The following FCRL4 variants were observed in gnomAD, a reference collection of about 807,000 sequenced individuals.
FCRL4 encodes Fc receptor-like protein 4.
In FCRL4, 43 loss-of-function variants were observed where a neutral mutation model predicts 64.1. The ratio of observed to expected loss-of-function variants is 0.67; its 90% CI spans 0.53 to 0.87. FCRL4 has a LOEUF of 0.87. Among genes scored for constraint, FCRL4 ranks in the 40% least tolerant of loss-of-function variants. FCRL4 has a pLI of 0.00. For missense variants in FCRL4, 656 were observed against 613.5 expected, an observed-to-expected ratio of 1.07 and a Z score of -0.73; for synonymous variants, 253 against 239.8, an observed-to-expected ratio of 1.05 and a Z score of -0.51.
At chr1:157,583,666 T>G (rs1052597513) in intron 6 of FCRL4, among the ~76,000 whole-genome samples, 1 of 152,072 alleles carries the variant, frequency 6.6e-6, no homozygotes, top group Admixed American at 6.6e-5. Flanking sequence ...ATCCCAGACT[T>G]CCAGCCTCCA....
rs751214091 is a variant in FCRL4, at chr1:157,581,627, C to T, written c.1153G>A (p.Asp385Asn). 4.3e-6 allele frequency: 7 copies of T among 1,613,898 alleles called. No homozygotes were observed. In the South Asian group the frequency reaches 5.5e-5, roughly 13 times the overall value. ...GTGGCTCCCGCGGCGACAAGGCCATCTCTGTTGCCTGGGGTCTCTAAGGGG... is the reference window on the plus strand; with the variant it reads ...GTGGCTCCCGCGGCGACAAGGCCATTTCTGTTGCCTGGGGTCTCTAAGGGG... ...VTVRETPGNR[D>N]GLVAAGATGG... Residue 385 changes from aspartate (D) to asparagine (N), a missense_variant, in exon 7 of 12, where the codon GAT (aspartate) becomes AAT (asparagine). Asp to Asn is a conservative substitution (Grantham distance 23, BLOSUM62 1). Coordinates refer to ENST00000271532, the MANE Select transcript of FCRL4 (RefSeq NM_031282.3).
rs1232515770 is a variant in FCRL4 at position 157,578,849 on chromosome 1, G to A, written c.1281C>T (p.Leu427=). The A allele has an allele frequency of 4.3e-6, 7 of 1,611,550 alleles. No homozygotes were observed. The highest frequency in any genetic ancestry group is 5.9e-6 in the Non-Finnish European group (7 of 1,178,882). Residue 427 remains leucine (L), a synonymous_variant, in exon 9 of 12, where the codon CTC becomes CTT. Coordinates refer to ENST00000271532, the MANE Select transcript of FCRL4 (RefSeq NM_031282.3). Reference sequence around the variant, plus strand: ...ACTCTCCTGGGCCTGGAGCGGGAGGGAGCCTGTGAGACACAGAAACACATA... The same window carrying A: ...ACTCTCCTGGGCCTGGAGCGGGAGGAAGCCTGTGAGACACAGAAACACATA... ...GVGFLGDETR[L]PPAPGPGESS...
chr1:157,590,863 CT>C, intron 2 of FCRL4, among the ~76,000 whole-genome samples: 1 of 152,114 alleles, frequency 6.6e-6, no homozygotes, highest in Non-Finnish European at 1.5e-5. Context: ...GAAAATTAAC[CT>C]GTAGGAATCA....
intron 2 of FCRL4, among the ~76,000 whole-genome samples, chr1:157,591,180 T>G (rs1344989465): frequency 2.0e-5 from 3 of 152,222 alleles, no homozygotes; most frequent in Non-Finnish European, 2.9e-5. Context: ...TGATAGGGTC[T>G]GTTCAGGTGT....
At chr1:157,592,996 A>G (rs1652872146) in intron 2 of FCRL4, among the ~76,000 whole-genome samples, 1 of 152,172 alleles carries the variant, frequency 6.6e-6, no homozygotes, top group African/African-American at 2.4e-5. Flanking sequence ...ACAGAAAACC[A>G]AACACCGCAT....
At chr1:157,591,151 A>T (rs1055382098) in intron 2 of FCRL4, among the ~76,000 whole-genome samples, 1 of 152,178 alleles carries the variant, frequency 6.6e-6, no homozygotes, top group Non-Finnish European at 1.5e-5. Flanking sequence ...AATGCGCCTG[A>T]AGGATAGATA....
intron 10 of FCRL4, among the ~76,000 whole-genome samples, chr1:157,576,595 T>C (rs1652420765): frequency 6.6e-6 from 1 of 152,224 alleles, no homozygotes. Context: ...AATGCTTGGC[T>C]TAAATGGTGT....
chr1:157,585,047 C>CATT (rs1558154821), intron 6 of FCRL4, among the ~76,000 whole-genome samples: 51 of 152,264 alleles, frequency 3.3e-4, no homozygotes, highest in African/African-American at 1.1e-3. Flanking sequence ...CAGTTTTCCA[C>CATT]TGGCCTTAGA....
chr1:157,589,755 G>C (rs1350272788), intron 2 of FCRL4, among the ~76,000 whole-genome samples: 1 of 152,190 alleles, frequency 6.6e-6, no homozygotes, highest in East Asian at 1.9e-4. Flanking sequence ...AGTGAACCAG[G>C]TCCTCAGGTA....
Position 157,575,621 on chromosome 1 carries a change from A to G in FCRL4, c.1462-11T>C. ...GACAACTGAGACATCCTGAAATGGA[A>G]GAAAGAAGTGGAAACCGAGAGGGAG... On this transcript the variant is annotated splice_polypyrimidine_tract_variant and intron_variant, in intron 11 of 11. Transcript: ENST00000271532. 1 of 1,613,518 alleles carries G rather than the reference A, an allele frequency of 6.2e-7. No individual in the cohort carries two copies. The highest frequency in any genetic ancestry group is 8.5e-7 in the Non-Finnish European group (1 of 1,179,418).
At chr1:157,587,147 G>T (rs12562484) in intron 5 of FCRL4, 129 bp downstream of exon 5, 16,629 of 977,002 alleles carry the variant, frequency 0.017, 608 homozygotes, top group African/African-American at 0.12. Context: ...TTATAGTACT[G>T]CACTTCTTGG....
chr1:157,594,783 G>T (rs897178104), intron 2 of FCRL4, among the ~76,000 whole-genome samples: 1 of 152,144 alleles, frequency 6.6e-6, no homozygotes. Context: ...TGAAGAAAAT[G>T]CCCTTCCTCT....
In FCRL4 at chr1:157,589,234, T is replaced by C. The variant is rs1652777241; in HGVS notation, c.277A>G (p.Ser93Gly). The C allele has an allele frequency of 6.2e-7, 1 of 1,614,204 alleles. No individual in the cohort carries two copies. Among genetic ancestry groups the C allele is most frequent in the Middle Eastern group, 1.6e-4 (1 of 6,062 alleles). The change falls in exon 3 of 12, where the codon AGT becomes GGT. Residue 93 changes from serine to glycine, a missense_variant. Transcript: ENST00000271532. ...GAAAAGAGCAAGCGCACAGGGTTAC[T>C]TCGTGGGGAGCCCCGGGCCTGGCAT... ...YRCQARGSPR[S>G]NPVRLLFSSD...
At position 157,588,406 on chromosome 1, in the gene FCRL4, A is replaced by G. The variant is rs1652755843; in HGVS notation, c.308-287T>C. 2.6e-5 allele frequency among the ~76,000 whole-genome samples: 4 copies of G among 152,228 alleles called. No homozygotes were observed. The South Asian group carries it at 8.3e-4, about 31-fold the overall frequency. ...GTGTGATCAAAATCTCTGACATGAT[A>G]GAGTACAGCAGAACTTAACACCAAC... On this transcript the variant is annotated intron_variant, in intron 3 of 11. Transcript: ENST00000271532.
intron 11 of FCRL4, 21 bp from the exon 12 acceptor site, chr1:157,575,631 G>A (rs763790928): frequency 4.3e-6 from 7 of 1,612,598 alleles, no homozygotes; most frequent in Non-Finnish European, 5.9e-6. Context: ...AGAAAGAAGT[G>A]GAAACCGAGA....
chr1:157,588,502 C>G (rs1019026725), intron 3 of FCRL4, among the ~76,000 whole-genome samples: 2 of 152,204 alleles, frequency 1.3e-5, no homozygotes, highest in African/African-American at 4.8e-5. Flanking sequence ...GGATCTCTTC[C>G]TGGACATTGG....
intron 2 of FCRL4, 114 bp from the exon 3 acceptor site, chr1:157,589,572 G>T (rs1229921681): frequency 1.5e-6 from 2 of 1,329,072 alleles, no homozygotes. Context: ...GATGCCCCCG[G>T]ATGACTTCTG....
rs1023073972 is a variant in FCRL4, at chr1:157,587,329, G to A, written c.794C>T (p.Thr265Ile). The change falls in exon 5 of 12, where the codon ACA (threonine) becomes ATA (isoleucine). Residue 265 changes from threonine (T) to isoleucine (I), a missense_variant. By Grantham distance (89) the Thr-to-Ile change is moderately conservative. Coordinates refer to ENST00000271532, the MANE Select transcript of FCRL4 (RefSeq NM_031282.3). ...GTGCTTGTGGATGTTACCCCTCACT[G>A]TTTCAGCACCACACCAATAGGATCC... Reference protein sequence around the residue: ...NSGSYWCGAETVRGNIHKHSP... With the variant: ...NSGSYWCGAEIVRGNIHKHSP... 6 of 1,614,096 alleles carry A rather than the reference G, an allele frequency of 3.7e-6. No homozygotes were observed. The highest frequency in any genetic ancestry group is 5.1e-6 in the Non-Finnish European group (6 of 1,180,044).
rs1652788556 is a variant in FCRL4 at position 157,589,543 on chromosome 1, T to C, written c.53-85A>G. ...CTTGTGTGGGTTACAGTGGAGGACA[T>C]GGCTTGGGAGATCCCTAAGATGCCC... On this transcript the variant is annotated intron_variant, in intron 2 of 11. Transcript: ENST00000271532. The C allele has an allele frequency of 1.2e-5, 18 of 1,521,146 alleles. No individual in the cohort carries two copies. The East Asian group carries it at 3.4e-4, about 29-fold the overall frequency. The allele number at this position is 1,521,146 out of a possible 1,614,324, so 94.2% of individuals were successfully genotyped here. A position where few individuals can be genotyped will look rare whatever the true frequency, so the allele number is the denominator to read the frequency against.
Sources: gnomAD v4.1 joint callset for allele counts (sites outside exome capture counted in the v4.1 genomes callset) on GRCh38, gnomAD v4.1.1 for gene constraint, MANE v1.5 for transcripts, NCBI Gene and HGNC (gene_info 2026-07-23, HGNC 2026-07-21) for gene names.